The following CELF2 variants were observed in gnomAD, a reference collection of about 807,000 sequenced individuals.
CELF2 encodes CUG triplet repeat RNA-binding protein 2.
A neutral mutation model predicts 62.6 loss-of-function variants in CELF2; 8 were observed. That is an observed-to-expected ratio of 0.13 (90% CI 0.07 to 0.23). The LOEUF (loss-of-function observed/expected upper bound fraction) is 0.23, where lower values mean the gene tolerates loss of function less well. Ranked by LOEUF, CELF2 falls within the 10% of genes least tolerant of loss-of-function variation. The probability of loss-of-function intolerance (pLI) is 1.00; values close to 1 mark genes in which losing one functional copy is unlikely to be tolerated. For synonymous variants in CELF2, 258 were observed against 250.0 expected (o/e 1.03, Z -0.30); for missense variants, 333 against 671.0 (o/e 0.50, Z 5.56).
At chr10:11,147,162 G>A (rs1425078019) in intron 1 of CELF2, among the ~76,000 whole-genome samples, 1 of 152,164 alleles carries the variant, frequency 6.6e-6, no homozygotes, top group Non-Finnish European at 1.5e-5. Flanking sequence ...GATACACAGT[G>A]AAGGTGACTA....
At chr10:10,945,467 G>A (rs140277393) in intron 2 of CELF2, among the ~76,000 whole-genome samples, 1 of 152,290 alleles carries the variant, frequency 6.6e-6, no homozygotes, top group East Asian at 1.9e-4. Context: ...AGCCAGCTCT[G>A]CACCGAGGCC....
intron 1 of CELF2, among the ~76,000 whole-genome samples, chr10:10,811,448 T>C (rs1374944453): frequency 1.3e-5 from 2 of 152,086 alleles, no homozygotes; most frequent in East Asian, 3.9e-4. Flanking sequence ...CTGCCACCTG[T>C]AGATGTTAGG....
intron 2 of CELF2, among the ~76,000 whole-genome samples, chr10:10,940,742 T>C (rs2046961078): frequency 6.6e-6 from 1 of 152,186 alleles, no homozygotes; most frequent in African/African-American, 2.4e-5. Context: ...CAAGCATAAA[T>C]CTCAATGTGT....
Position 11,285,507 on chromosome 10 carries a change from AAGGAGCGGGC to A in CELF2, c.842-2908_842-2899del, listed in dbSNP as rs1181865281. Among the ~76,000 whole-genome samples, 1 of 152,172 alleles carries A rather than the reference AAGGAGCGGGC, an allele frequency of 6.6e-6. No homozygotes were observed. The highest frequency in any genetic ancestry group is 1.5e-5 in the Non-Finnish European group (1 of 68,020). ...CCCAGGCCCTTAGCCCTGGATCCTA[AAGGAGCGGGC>A]AGTGGAGAGAACCTGAGTGCTGTCA... On this transcript the variant is annotated intron_variant, in intron 8 of 12. Coordinates refer to ENST00000633077, the MANE Select transcript of CELF2 (RefSeq NM_001326342.2). The surrounding 1 kb of genome is among the most constrained non-coding windows in gnomAD (Gnocchi z 4.3).
chr10:11,169,721 TGAC>T (rs2068259417), intron 2 of CELF2, among the ~76,000 whole-genome samples: 2 of 152,214 alleles, frequency 1.3e-5, no homozygotes, highest in Non-Finnish European at 2.9e-5. Context: ...TGCAGTGTGT[TGAC>T]GTGTGTTGAG....
At chr10:10,991,965 T>C (rs1320127315) in intron 2 of CELF2, among the ~76,000 whole-genome samples, 1 of 152,208 alleles carries the variant, frequency 6.6e-6, no homozygotes, top group African/African-American at 2.4e-5. Flanking sequence ...TTTACGCTAT[T>C]ATGCAACAAA....
rs1210952324 is a variant in CELF2, at chr10:11,319,302, G to A, written c.1097-1887G>A. ...CCCTCTCACCTATCTCAAAAAACACGGAAGTTCCTTTGCATCACACAAATA... is the reference window on the plus strand; with the variant it reads ...CCCTCTCACCTATCTCAAAAAACACAGAAGTTCCTTTGCATCACACAAATA... On this transcript the variant is annotated intron_variant, in intron 10 of 12. Coordinates refer to ENST00000633077, the MANE Select transcript of CELF2 (RefSeq NM_001326342.2). The surrounding 1 kb of genome is among the most constrained non-coding windows in gnomAD (Gnocchi z 4.4). 11 of 355,670 alleles carry A rather than the reference G, an allele frequency of 3.1e-5. No homozygotes were observed. The highest frequency in any genetic ancestry group is 7.6e-5 in the East Asian group (1 of 13,168). The allele number at this position is 355,670 out of a possible 1,614,324, so 22.0% of individuals were successfully genotyped here. A position where few individuals can be genotyped will look rare whatever the true frequency, so the allele number is the denominator to read the frequency against.
the CELF2 span, among the ~76,000 whole-genome samples, chr10:10,750,543 A>G: frequency 6.6e-6 from 1 of 152,348 alleles, no homozygotes; most frequent in African/African-American, 2.4e-5. Flanking sequence ...AAGAAGGTGA[A>G]ATTCACATTG....
chr10:10,700,808 T>C, the CELF2 span, among the ~76,000 whole-genome samples: 2 of 152,242 alleles, frequency 1.3e-5, no homozygotes, highest in African/African-American at 4.8e-5. Context: ...AAGATCTCTA[T>C]GTACATTTAA....
chr10:10,683,135 G>A, the CELF2 span, among the ~76,000 whole-genome samples: 6 of 152,162 alleles, frequency 3.9e-5, no homozygotes, highest in Non-Finnish European at 7.3e-5. Flanking sequence ...CCCTACTATA[G>A]TATTTCAATA....
rs1262275180 is a variant in CELF2 at position 11,247,863 on chromosome 10, G to A, written c.355-1290G>A. The stretch of plus-strand genomic sequence containing the variant: ...CAGCCCAACTCATGGCTTTCCACAG[G>A]TGACTTGTCCTGCTTTTGAAGAGGC... On this transcript the variant is annotated intron_variant, in intron 3 of 12. Coordinates refer to ENST00000633077, the MANE Select transcript of CELF2 (RefSeq NM_001326342.2). This position sits in a 1 kb window ranked among gnomAD's most constrained non-coding sequence, Gnocchi z 5.4. Among the ~76,000 whole-genome samples the A allele has an allele frequency of 6.6e-6, 1 of 152,094 alleles. No individual in the cohort carries two copies. Among genetic ancestry groups the A allele is most frequent in the African/African-American group, 2.4e-5 (1 of 41,396 alleles).
At chr10:11,199,930 G>A (rs750550894) in intron 2 of CELF2, among the ~76,000 whole-genome samples, 1 of 152,200 alleles carries the variant, frequency 6.6e-6, no homozygotes, top group Non-Finnish European at 1.5e-5. Context: ...TTCCAGAGCA[G>A]TTAACACCCA....
intron 1 of CELF2, among the ~76,000 whole-genome samples, chr10:11,009,010 G>GA (rs1485700717): frequency 4.0e-5 from 5 of 126,238 alleles, no homozygotes; most frequent in Non-Finnish European, 7.8e-5. Context: ...ATTTGCGGGG[G>GA]GGGGGGGGGA....
At chr10:10,701,683 A>G in the CELF2 span, among the ~76,000 whole-genome samples, 1 of 152,210 alleles carries the variant, frequency 6.6e-6, no homozygotes, top group Non-Finnish European at 1.5e-5. Context: ...CAGAGAAAGG[A>G]TGGAAGCAGA....
At chr10:11,003,065 CTAT>C (rs2054678520), upstream of CELF2, among the ~76,000 whole-genome samples, 3 of 152,168 alleles carry the variant, frequency 2.0e-5, no homozygotes, top group Admixed American at 1.3e-4. The surrounding 1 kb of genome is among the most constrained non-coding windows in gnomAD (Gnocchi z 4.4). Context: ...TCCTTTCTTC[CTAT>C]TTACTCATCT....
chr10:10,977,120 A>G (rs935640478), intron 2 of CELF2, among the ~76,000 whole-genome samples: 3 of 152,170 alleles, frequency 2.0e-5, no homozygotes, highest in Admixed American at 6.5e-5. Context: ...CCTGCAAAAA[A>G]AAACTGCCAG....
intron 1 of CELF2, among the ~76,000 whole-genome samples, chr10:10,897,767 C>T (rs757809687): frequency 2.4e-4 from 36 of 152,148 alleles, no homozygotes; most frequent in Non-Finnish European, 2.6e-4. Flanking sequence ...AAACACTGAC[C>T]GCTTGTACTG....
intron 1 of CELF2, among the ~76,000 whole-genome samples, chr10:10,902,893 G>A (rs2063040757): frequency 8.1e-6 from 1 of 123,988 alleles, no homozygotes; most frequent in South Asian, 3.2e-4. Context: ...GAGAGAGAGG[G>A]AAGAAGGGAG....
At chr10:11,053,051 A>G (rs2064272481) in intron 1 of CELF2, among the ~76,000 whole-genome samples, 1 of 152,090 alleles carries the variant, frequency 6.6e-6, no homozygotes, top group Non-Finnish European at 1.5e-5. Context: ...TTACTTTAAA[A>G]TTTATTTTCT....
Sources: gnomAD v4.1 joint callset for allele counts (sites outside exome capture counted in the v4.1 genomes callset) on GRCh38, gnomAD v4.1.1 for gene constraint, Gnocchi (gnomAD v3.1) non-coding constraint, MANE v1.5 for transcripts, NCBI Gene and HGNC (gene_info 2026-07-23, HGNC 2026-07-21) for gene names.